KLHL29: variants seen among roughly 807,000 people sequenced by gnomAD.
KLHL29 encodes the protein kelch-like protein 29.
In KLHL29, 21 loss-of-function variants were observed where a neutral mutation model predicts 80.4. That is an observed-to-expected ratio of 0.26 (90% CI 0.19 to 0.38). KLHL29 has a LOEUF of 0.38. Ranked by LOEUF, KLHL29 falls within the 10% of genes least tolerant of loss-of-function variation. KLHL29 has a pLI of 1.00. For synonymous variants in KLHL29, 511 were observed against 526.8 expected (o/e 0.97, Z 0.41); for missense variants, 867 against 1,223.9 (o/e 0.71, Z 4.35).
Position 23,566,823 on chromosome 2 carries a change from C to T in KLHL29, c.285+4342C>T, listed in dbSNP as rs146835304. Among the ~76,000 whole-genome samples, 25 of 152,326 alleles carry T rather than the reference C, an allele frequency of 1.6e-4. 1 individual carries two copies. The East Asian group carries it at 4.8e-3, about 29-fold the overall frequency. On this transcript the variant is annotated intron_variant, in intron 3 of 13. Coordinates refer to ENST00000486442, the MANE Select transcript of KLHL29 (RefSeq NM_052920.2). ...ATAGAAAAGCTTAAAACACTACCTG[C>T]CATTTGGTAAGCACTCGATAAAAGT...
intron 2 of KLHL29, among the ~76,000 whole-genome samples, chr2:23,534,002 T>C (rs1666584446): frequency 6.6e-6 from 1 of 151,776 alleles, no homozygotes; most frequent in South Asian, 2.1e-4. Flanking sequence ...GGGTATGTAA[T>C]AGTCCTCCTG....
At chr2:23,550,562 A>G (rs1178895113) in intron 2 of KLHL29, among the ~76,000 whole-genome samples, 7 of 152,204 alleles carry the variant, frequency 4.6e-5, no homozygotes, top group Admixed American at 3.9e-4. Context: ...TACTCGGTGA[A>G]ATAAAAGAGT....
At chr2:23,593,231 G>T (rs1206652451) in intron 3 of KLHL29, among the ~76,000 whole-genome samples, 5 of 152,188 alleles carry the variant, frequency 3.3e-5, no homozygotes, top group Admixed American at 3.3e-4. Flanking sequence ...GACTTCTAAT[G>T]TGATCCTGAG....
In KLHL29 at chr2:23,693,609, G is replaced by A. The variant is rs972648390; in HGVS notation, c.1542+81G>A. 6.4e-6 allele frequency: 9 copies of A among 1,403,996 alleles called. No homozygotes were observed. The African/African-American group carries it at 1.1e-4, about 18-fold the overall frequency. The allele number at this position is 1,403,996 out of a possible 1,614,324, so 87.0% of individuals were successfully genotyped here. The stretch of plus-strand genomic sequence containing the variant: ...CAATGGGGTCTGCAGCAAGGAGGAA[G>A]GAAGTGAACCTTCCTTGTCCTGCTC... On this transcript the variant is annotated intron_variant, in intron 8 of 13. Coordinates refer to ENST00000486442, the MANE Select transcript of KLHL29 (RefSeq NM_052920.2).
Position 23,604,721 on chromosome 2 carries a change from G to A in KLHL29, c.286-34418G>A, listed in dbSNP as rs572541484. Among the ~76,000 whole-genome samples, 14 of 152,300 alleles carry A rather than the reference G, an allele frequency of 9.2e-5. No individual in the cohort carries two copies. In the East Asian group the frequency reaches 2.7e-3, roughly 29 times the overall value. The stretch of plus-strand genomic sequence containing the variant: ...CATAGATCTGAGCAAGAGGCAGGGT[G>A]AAGACAGAAAGGAGGACCTTCTGAG... On this transcript the variant is annotated intron_variant, in intron 3 of 13. Transcript: ENST00000486442.
At chr2:23,431,798 G>T (rs1395174991) in intron 1 of KLHL29, among the ~76,000 whole-genome samples, 2 of 151,310 alleles carry the variant, frequency 1.3e-5, no homozygotes, top group East Asian at 3.9e-4. Context: ...GGAGGCTGAG[G>T]CAGGAGAATG....
At chr2:23,450,404 G>T (rs775859287) in intron 1 of KLHL29, among the ~76,000 whole-genome samples, 5 of 151,930 alleles carry the variant, frequency 3.3e-5, no homozygotes, top group Non-Finnish European at 7.4e-5. Flanking sequence ...AACCTTATAG[G>T]GCTCTCCGGT....
At chr2:23,612,901 T>C (rs1050326560) in intron 3 of KLHL29, among the ~76,000 whole-genome samples, 7 of 152,128 alleles carry the variant, frequency 4.6e-5, no homozygotes, top group African/African-American at 1.7e-4. Flanking sequence ...TAAATATCAA[T>C]TGTATACAAA....
chr2:23,599,678 A>G (rs1206198715), intron 3 of KLHL29, among the ~76,000 whole-genome samples: 9 of 152,226 alleles, frequency 5.9e-5, no homozygotes, highest in African/African-American at 2.2e-4. Context: ...AAGAAGAATT[A>G]TAAATGAAGA....
chr2:23,433,807 T>C (rs1663254579), intron 1 of KLHL29, among the ~76,000 whole-genome samples: 1 of 152,142 alleles, frequency 6.6e-6, no homozygotes, highest in Admixed American at 6.5e-5. Context: ...TAGTCCGAGC[T>C]ATTCCGGAGG....
chr2:23,460,610 T>C (rs1558346380), intron 1 of KLHL29, among the ~76,000 whole-genome samples: 1 of 151,768 alleles, frequency 6.6e-6, no homozygotes, highest in Non-Finnish European at 1.5e-5. Flanking sequence ...GGACACACAG[T>C]GGAGCTGGCC....
rs548833798 is a variant in KLHL29 at position 23,642,391 on chromosome 2, G to T, written c.481G>T (p.Ala161Ser). The change falls in exon 5 of 14, where the codon GCA becomes TCA. Residue 161 changes from alanine to serine, a missense_variant. Physicochemically the swap from Ala to Ser is moderately conservative, Grantham distance 99. This residue lies in a region of KLHL29 where 424 missense variants were observed against 456.9 expected (regional missense o/e 0.93). Transcript: ENST00000486442. ...CGCCGGGAACCAGCCCACCCTGATT[G>T]CACACTCCTATGGAGTGGCCCAGCC... ...VAAGNQPTLI[A>S]HSYGVAQPPT... 3 of 1,448,424 alleles carry T rather than the reference G, an allele frequency of 2.1e-6. No homozygotes were observed. The highest frequency in any genetic ancestry group is 2.5e-5 in the East Asian group (1 of 39,724). 89.7% of individuals were successfully genotyped at this position (1,448,424 alleles called of 1,614,324 possible). A position where few individuals can be genotyped will look rare whatever the true frequency, so the allele number is the denominator to read the frequency against.
At chr2:23,648,246 A>G (rs1012511598) in intron 5 of KLHL29, among the ~76,000 whole-genome samples, 2 of 152,094 alleles carry the variant, frequency 1.3e-5, no homozygotes, top group African/African-American at 4.8e-5. Flanking sequence ...CCTCATCTAT[A>G]AAAGGGGGAG....
At chr2:23,614,139 A>G (rs1430498086) in intron 3 of KLHL29, among the ~76,000 whole-genome samples, 1 of 152,122 alleles carries the variant, frequency 6.6e-6, no homozygotes, top group East Asian at 1.9e-4. Flanking sequence ...TTACCTACCT[A>G]TGACTTGGAA....
chr2:23,491,854 A>G (rs573284784), intron 2 of KLHL29, among the ~76,000 whole-genome samples: 1 of 152,168 alleles, frequency 6.6e-6, no homozygotes, highest in South Asian at 2.1e-4. Context: ...TGGCAACACC[A>G]TCTGCCCAGT....
At chr2:23,637,306 G>A (rs7422570) in intron 3 of KLHL29, among the ~76,000 whole-genome samples, 17,503 of 152,172 alleles carry the variant, frequency 0.12, 1,327 homozygotes, top group Non-Finnish European at 0.16. Context: ...CAGGGCACTC[G>A]TTAAAAGCTG....
chr2:23,608,445 C>CT (rs11443179), intron 3 of KLHL29, among the ~76,000 whole-genome samples: 124,698 of 149,452 alleles, frequency 0.83, 52,312 homozygotes, highest in East Asian at 0.99. Flanking sequence ...AGGGCCCAGT[C>CT]TTTTTTTTTT....
intron 2 of KLHL29, among the ~76,000 whole-genome samples, chr2:23,561,375 C>G (rs1156287430): frequency 6.6e-6 from 1 of 152,122 alleles, no homozygotes; most frequent in African/African-American, 2.4e-5. Flanking sequence ...CATGGAAGGG[C>G]CTTATGCTCA....
chr2:23,494,470 C>T (rs1242883097), intron 2 of KLHL29, among the ~76,000 whole-genome samples: 18 of 152,168 alleles, frequency 1.2e-4, no homozygotes, highest in Admixed American at 1.2e-3. Context: ...ACGCCACAGG[C>T]CTGAGCATCT....
Sources: gnomAD v4.1 joint callset for allele counts (sites outside exome capture counted in the v4.1 genomes callset) on GRCh38, gnomAD v4.1.1 for gene constraint, gnomAD v4.1.1 regional missense constraint, MANE v1.5 for transcripts, NCBI Gene and HGNC (gene_info 2026-07-23, HGNC 2026-07-21) for gene names.